HTR1F: variants seen among roughly 807,000 people sequenced by gnomAD.
The protein encoded by HTR1F is 5-hydroxytryptamine receptor 1F.
HTR1F carries 17 observed loss-of-function variants against 24.0 expected under a neutral mutation model. The ratio of observed to expected loss-of-function variants is 0.71; its 90% CI spans 0.48 to 1.06. The LOEUF (loss-of-function observed/expected upper bound fraction) is 1.06, where lower values mean the gene tolerates loss of function less well. Among genes scored for constraint, HTR1F ranks in the 50% least tolerant of loss-of-function variants. The pLI is 0.00. For missense variants in HTR1F, 391 were observed against 427.8 expected, an observed-to-expected ratio of 0.91 and a Z score of 0.76; for synonymous variants, 186 against 156.8, an observed-to-expected ratio of 1.19 and a Z score of -1.39.
At chr3:87,921,617 T>A (rs1225289382) in intron 2 of HTR1F, among the ~76,000 whole-genome samples, 2 of 151,906 alleles carry the variant, frequency 1.3e-5, no homozygotes, top group Non-Finnish European at 2.9e-5. Context: ...TTTAAAACTA[T>A]ATAATAAGTA....
chr3:87,849,321 G>A (rs1166611273), intron 2 of HTR1F, among the ~76,000 whole-genome samples: 1 of 151,582 alleles, frequency 6.6e-6, no homozygotes, highest in African/African-American at 2.4e-5. Flanking sequence ...ACAACTATCT[G>A]ATCTTTGACA....
At chr3:87,985,870 A>T (rs1028315280) in intron 2 of HTR1F, among the ~76,000 whole-genome samples, 1 of 152,254 alleles carries the variant, frequency 6.6e-6, no homozygotes, top group Admixed American at 6.5e-5. Context: ...ATAAATAAGC[A>T]TTAGATTTTA....
intron 2 of HTR1F, among the ~76,000 whole-genome samples, chr3:87,989,014 ATTAAT>A (rs1705743890): frequency 6.6e-6 from 1 of 152,214 alleles, no homozygotes; most frequent in South Asian, 2.1e-4. Context: ...CTACGTTAAC[ATTAAT>A]TTAAGGAATA....
chr3:87,825,004 C>G (rs1340167406), intron 2 of HTR1F, among the ~76,000 whole-genome samples: 2 of 152,162 alleles, frequency 1.3e-5, no homozygotes, highest in Non-Finnish European at 2.9e-5. Flanking sequence ...GATATTCAGA[C>G]TTGATAATAG....
chr3:87,990,747 A>G lies in HTR1F; in HGVS notation c.-3A>G. On this transcript the variant is annotated 5_prime_UTR_variant, in exon 3 of 3. Coordinates refer to ENST00000319595, the MANE Select transcript of HTR1F (RefSeq NM_001322209.2). ...GCTATATTAATCTTTTAAAACAAAG[A>G]AAATGGATTTCTTAAATTCATCTGA... The G allele has an allele frequency of 3.1e-6, 5 of 1,605,046 alleles. No individual in the cohort carries two copies. Among genetic ancestry groups the G allele is most frequent in the Admixed American group, 1.7e-5 (1 of 59,564 alleles).
chr3:87,960,445 C>T (rs1007624915), intron 2 of HTR1F, among the ~76,000 whole-genome samples: 13 of 151,786 alleles, frequency 8.6e-5, no homozygotes, highest in African/African-American at 2.7e-4. Flanking sequence ...TAGCAAAAGC[C>T]AAAGGAAATT....
chr3:87,869,388 AACAG>A (rs1705497723), intron 2 of HTR1F, among the ~76,000 whole-genome samples: 1 of 129,152 alleles, frequency 7.7e-6, no homozygotes, highest in Admixed American at 7.9e-5. Flanking sequence ...TAGATAGACA[AACAG>A]ATAGATAGAT....
chr3:87,846,735 TG>T (rs1704954368), intron 2 of HTR1F, among the ~76,000 whole-genome samples: 1 of 151,988 alleles, frequency 6.6e-6, no homozygotes, highest in South Asian at 2.1e-4. Context: ...GAATAAAGTT[TG>T]AATTAACAAC....
At chr3:87,948,199 A>G (rs2107456439) in intron 2 of HTR1F, among the ~76,000 whole-genome samples, 1 of 152,276 alleles carries the variant, frequency 6.6e-6, no homozygotes, top group Admixed American at 6.5e-5. Context: ...TGCCTCATTC[A>G]CTTTGGCTGG....
Position 87,926,011 on chromosome 3 carries a change from A to G in HTR1F, c.-42-64697A>G, listed in dbSNP as rs528735575. Among the ~76,000 whole-genome samples the G allele has an allele frequency of 1.9e-4, 29 of 152,218 alleles. 1 individual carries two copies. Among genetic ancestry groups the G allele is most frequent in the Non-Finnish European group, 2.4e-4 (16 of 68,036 alleles). Reference sequence around the variant, plus strand: ...GAGCACTGGACACCTCCAATCAGCTATCTTGATGACATCCATTACTTACAC... The same window carrying G: ...GAGCACTGGACACCTCCAATCAGCTGTCTTGATGACATCCATTACTTACAC... On this transcript the variant is annotated intron_variant, in intron 2 of 2. Transcript: ENST00000319595.
chr3:87,864,126 C>G (rs796661578), intron 2 of HTR1F, among the ~76,000 whole-genome samples: 15 of 152,216 alleles, frequency 9.9e-5, no homozygotes, highest in African/African-American at 3.6e-4. Context: ...CTCATGTATT[C>G]CAGAAAAATC....
At chr3:87,973,080 A>G (rs1163790115) in intron 2 of HTR1F, among the ~76,000 whole-genome samples, 1 of 151,992 alleles carries the variant, frequency 6.6e-6, no homozygotes, top group East Asian at 1.9e-4. Flanking sequence ...CTGAGGCAGG[A>G]GAATCGCTTG....
intron 1 of HTR1F, among the ~76,000 whole-genome samples, chr3:87,819,858 T>C (rs1157952978): frequency 1.3e-5 from 2 of 152,026 alleles, no homozygotes; most frequent in Non-Finnish European, 2.9e-5. Context: ...TGATTACTGT[T>C]GACAAACTAC....
At chr3:87,830,307 A>G (rs1704549153) in intron 2 of HTR1F, among the ~76,000 whole-genome samples, 1 of 152,116 alleles carries the variant, frequency 6.6e-6, no homozygotes, top group Non-Finnish European at 1.5e-5. Context: ...AATGAAATCT[A>G]TGCATTGTGT....
At chr3:87,962,619 C>T (rs1223214109) in intron 2 of HTR1F, among the ~76,000 whole-genome samples, 4 of 151,912 alleles carry the variant, frequency 2.6e-5, no homozygotes, top group Non-Finnish European at 5.9e-5. Flanking sequence ...TTTATATTAG[C>T]AGGATATGAA....
chr3:87,886,131 G>A (rs1575988378), intron 2 of HTR1F, among the ~76,000 whole-genome samples: 1 of 152,112 alleles, frequency 6.6e-6, no homozygotes, highest in Admixed American at 6.6e-5. Flanking sequence ...ACATCAAAAA[G>A]CTCATCCACC....
chr3:87,828,560 C>T (rs1323528228), intron 2 of HTR1F, among the ~76,000 whole-genome samples: 1 of 152,166 alleles, frequency 6.6e-6, no homozygotes, highest in Non-Finnish European at 1.5e-5. Flanking sequence ...TTTTATTTGA[C>T]ATCTCACCCA....
At chr3:87,819,597 T>G (rs915046994) in intron 1 of HTR1F, among the ~76,000 whole-genome samples, 3 of 152,130 alleles carry the variant, frequency 2.0e-5, no homozygotes, top group Non-Finnish European at 4.4e-5. Flanking sequence ...TCTGCTTATT[T>G]TCACATTCAT....
At chr3:87,943,183 T>C (rs562169606) in intron 2 of HTR1F, among the ~76,000 whole-genome samples, 1 of 152,336 alleles carries the variant, frequency 6.6e-6, no homozygotes, top group South Asian at 2.1e-4. Flanking sequence ...AATCGTTCTC[T>C]TTCTTCTGTT....
Sources: gnomAD v4.1 joint callset for allele counts (sites outside exome capture counted in the v4.1 genomes callset) on GRCh38, gnomAD v4.1.1 for gene constraint, MANE v1.5 for transcripts, NCBI Gene and HGNC (gene_info 2026-07-23, HGNC 2026-07-21) for gene names.